The following AFF3 variants were observed in gnomAD, a reference collection of about 807,000 sequenced individuals.
The protein encoded by AFF3 is ALF transcription elongation factor 3, also known as AF4/FMR2 family member 3.
A neutral mutation model predicts 129.7 loss-of-function variants in AFF3; 32 were observed. The ratio of observed to expected loss-of-function variants is 0.25; its 90% CI spans 0.19 to 0.33. The LOEUF (loss-of-function observed/expected upper bound fraction) is 0.33, where lower values mean the gene tolerates loss of function less well. Ranked by LOEUF, AFF3 falls within the 10% of genes least tolerant of loss-of-function variation. The probability of loss-of-function intolerance (pLI) is 1.00; values close to 1 mark genes in which losing one functional copy is unlikely to be tolerated. For missense variants in AFF3, 1,373 were observed against 1,592.0 expected, an observed-to-expected ratio of 0.86 and a Z score of 2.34; for synonymous variants, 644 against 635.4, an observed-to-expected ratio of 1.01 and a Z score of -0.20.
chr2:99,871,762 A>G (rs1364207671), intron 7 of AFF3, among the ~76,000 whole-genome samples: 1 of 152,126 alleles, frequency 6.6e-6, no homozygotes, highest in African/African-American at 2.4e-5. Flanking sequence ...AAGGGTCCAA[A>G]AACTACCTGT....
intron 18 of AFF3, among the ~76,000 whole-genome samples, chr2:99,575,051 A>G (rs997684060): frequency 6.6e-6 from 1 of 152,174 alleles, no homozygotes; most frequent in African/African-American, 2.4e-5. Context: ...TGGAGAGGTC[A>G]TCATGTGCCT....
chr2:99,961,892 T>C (rs1001579102), intron 7 of AFF3, among the ~76,000 whole-genome samples: 5 of 152,108 alleles, frequency 3.3e-5, no homozygotes, highest in East Asian at 1.9e-4. Context: ...GCAAGGCGGA[T>C]AGATCAATCA....
At chr2:99,895,743 G>T (rs969447200) in intron 7 of AFF3, among the ~76,000 whole-genome samples, 2 of 152,062 alleles carry the variant, frequency 1.3e-5, no homozygotes, top group African/African-American at 4.8e-5. Flanking sequence ...AACCATATTT[G>T]CACATTCTCC....
At chr2:99,938,240 T>C (rs976838262) in intron 7 of AFF3, among the ~76,000 whole-genome samples, 3 of 152,216 alleles carry the variant, frequency 2.0e-5, no homozygotes, top group Non-Finnish European at 4.4e-5. Flanking sequence ...GGAAAATTTA[T>C]AGGCAAGACG....
At chr2:99,899,728 G>A (rs1361207673) in intron 7 of AFF3, among the ~76,000 whole-genome samples, 1 of 152,102 alleles carries the variant, frequency 6.6e-6, no homozygotes, top group Non-Finnish European at 1.5e-5. Flanking sequence ...ATAATCCATG[G>A]GGCCAGGTCA....
In AFF3 at chr2:99,955,046, T is replaced by A. The variant is rs866259990; in HGVS notation, c.873+51586A>T. ...AAGTATAGAGAGGATAGATTTCATATATTTTTGCAATAAATGGCAACTTCC... is the reference window on the plus strand; with the variant it reads ...AAGTATAGAGAGGATAGATTTCATAAATTTTTGCAATAAATGGCAACTTCC... On this transcript the variant is annotated intron_variant, in intron 7 of 24. Coordinates refer to ENST00000672756, the MANE Select transcript of AFF3 (RefSeq NM_001386135.1). Among the ~76,000 whole-genome samples, 135 of 152,198 alleles carry A rather than the reference T, an allele frequency of 8.9e-4. No individual in the cohort carries two copies. In the Middle Eastern group the frequency reaches 0.024, roughly 27 times the overall value.
intron 7 of AFF3, among the ~76,000 whole-genome samples, chr2:99,999,585 G>T (rs181667958): frequency 1.3e-5 from 2 of 152,230 alleles, no homozygotes; most frequent in East Asian, 3.9e-4. Flanking sequence ...CAACCCATCT[G>T]GGGTTGGACA....
chr2:99,824,922 C>T (rs1687959823), intron 8 of AFF3, among the ~76,000 whole-genome samples: 1 of 152,136 alleles, frequency 6.6e-6, no homozygotes, highest in South Asian at 2.1e-4. Flanking sequence ...TCTAAACAAC[C>T]CCAGCGGTGG....
intron 22 of AFF3, among the ~76,000 whole-genome samples, chr2:99,558,493 G>A (rs1481512601): frequency 1.3e-5 from 2 of 152,060 alleles, no homozygotes; most frequent in African/African-American, 2.4e-5. Flanking sequence ...GGTGGTGTGC[G>A]CCTGTAATCT....
At chr2:99,823,334 T>G (rs996754646) in intron 8 of AFF3, among the ~76,000 whole-genome samples, 1 of 151,762 alleles carries the variant, frequency 6.6e-6, no homozygotes. Context: ...AAAATACCAT[T>G]AGGTCACAAG....
intron 7 of AFF3, among the ~76,000 whole-genome samples, chr2:99,958,235 G>A (rs1367940174): frequency 6.6e-6 from 1 of 152,178 alleles, no homozygotes; most frequent in Non-Finnish European, 1.5e-5. Context: ...GCTCACGCCT[G>A]TAATTCCAGC....
chr2:100,019,393 G>T (rs527617892), intron 4 of AFF3, among the ~76,000 whole-genome samples: 1 of 152,176 alleles, frequency 6.6e-6, no homozygotes. Context: ...AAATGGAACC[G>T]ACTTTTCAAA....
At chr2:99,999,857 G>A (rs564037472) in intron 7 of AFF3, among the ~76,000 whole-genome samples, 3 of 152,224 alleles carry the variant, frequency 2.0e-5, no homozygotes, top group South Asian at 4.1e-4. Flanking sequence ...CACACTCCTC[G>A]CTCTGCTCTA....
In AFF3 at chr2:99,984,776, C is replaced by A. The variant is rs142469739; in HGVS notation, c.873+21856G>T. Among the ~76,000 whole-genome samples, 11 of 152,152 alleles carry A rather than the reference C, an allele frequency of 7.2e-5. No homozygotes were observed. In the East Asian group the frequency reaches 1.5e-3, roughly 21 times the overall value. On this transcript the variant is annotated intron_variant, in intron 7 of 24. Transcript: ENST00000672756. ...TTCTTGCCAGAACACTTAACAGCCC[C>A]CTCATTTGTTGGGTGGTTTTATAGG...
chr2:100,129,382 C>CTGTGTGTGTGTG (rs10585567), intron 1 of AFF3, 76 bp from the exon 2 acceptor site: 1,643 of 145,362 alleles, frequency 0.011, 22 homozygotes, highest in South Asian at 0.028. Context: ...TCCTATAACT[C>CTGTGTGTGTGTG]TGTGTGTGTG....
chr2:99,973,228 ACT>A (rs1678566930), intron 7 of AFF3, among the ~76,000 whole-genome samples: 1 of 152,104 alleles, frequency 6.6e-6, no homozygotes, highest in African/African-American at 2.4e-5. Flanking sequence ...TACCTCTCTA[ACT>A]CTGGTCTACG....
chr2:100,023,472 A>G (rs2104889505), intron 4 of AFF3, among the ~76,000 whole-genome samples: 1 of 152,328 alleles, frequency 6.6e-6, no homozygotes, highest in African/African-American at 2.4e-5. Flanking sequence ...AAATTACTAA[A>G]CTTGAAGATG....
chr2:99,618,094 C>T (rs796622451), intron 13 of AFF3, among the ~76,000 whole-genome samples: 9 of 152,200 alleles, frequency 5.9e-5, no homozygotes, highest in African/African-American at 2.2e-4. Flanking sequence ...TGCTCGCTGG[C>T]TATATGACCT....
chr2:99,929,997 T>A (rs79221875), intron 7 of AFF3, among the ~76,000 whole-genome samples: 20 of 152,008 alleles, frequency 1.3e-4, no homozygotes, highest in African/African-American at 4.6e-4. Context: ...GATATTAAAA[T>A]AGATAAAGTG....
Sources: gnomAD v4.1 joint callset for allele counts (sites outside exome capture counted in the v4.1 genomes callset) on GRCh38, gnomAD v4.1.1 for gene constraint, MANE v1.5 for transcripts, NCBI Gene and HGNC (gene_info 2026-07-23, HGNC 2026-07-21) for gene names.